TNNT1: variants seen among roughly 807,000 people sequenced by gnomAD.
The protein encoded by TNNT1 is troponin T1, slow skeletal type, also known as troponin T, slow skeletal muscle.
TNNT1 carries 53 observed loss-of-function variants against 50.6 expected under a neutral mutation model. That is an observed-to-expected ratio of 1.05 (90% CI 0.84 to 1.32). The LOEUF (loss-of-function observed/expected upper bound fraction) is 1.32. Ranked by LOEUF, TNNT1 falls within the 40% of genes most tolerant of loss-of-function variation. TNNT1 has a pLI of 0.00. For missense variants in TNNT1, 348 were observed against 381.7 expected (o/e 0.91, Z 0.74); for synonymous variants, 142 against 138.0 (o/e 1.03, Z -0.20).
chr19:55,133,796 G>T, intron 13 of TNNT1, 91 bp downstream of exon 13: 3 of 1,454,814 alleles, frequency 2.1e-6, no homozygotes, highest in East Asian at 2.3e-5. Flanking sequence ...CTCAGGCAGT[G>T]GGGGATGGAG....
intron 6 of TNNT1, among the ~76,000 whole-genome samples, chr19:55,142,478 A>T (rs963311877): frequency 3.7e-4 from 57 of 152,124 alleles, no homozygotes; most frequent in African/African-American, 1.3e-3. Flanking sequence ...ATAACAGATT[A>T]AAAAAACTGT....
intron 12 of TNNT1, 51 bp downstream of exon 12, chr19:55,134,015 C>T (rs1400665337): frequency 1.2e-6 from 2 of 1,612,130 alleles, no homozygotes; most frequent in Non-Finnish European, 1.7e-6. Flanking sequence ...CTGGTCCCTC[C>T]CAGCCCAGCC....
rs760698954 is a variant in TNNT1 at position 55,133,545 on chromosome 19, G to A, written c.791+342C>T. ...ATACAAAAATTAGCCACGCTTGGTG[G>A]CGCGCACCTGTAATCCCAGCTACTC... On this transcript the variant is annotated intron_variant, in intron 13 of 13. Coordinates refer to ENST00000588981, the MANE Select transcript of TNNT1 (RefSeq NM_003283.6). 3.8e-4 allele frequency: 151 copies of A among 400,078 alleles called. 1 individual carries two copies. Among genetic ancestry groups the A allele is most frequent in the Middle Eastern group, 2.2e-3 (3 of 1,340 alleles). 24.8% of individuals were successfully genotyped at this position (400,078 alleles called of 1,614,324 possible).
intron 11 of TNNT1, among the ~76,000 whole-genome samples, chr19:55,135,236 G>A (rs1405503103): frequency 1.3e-5 from 2 of 152,164 alleles, no homozygotes; most frequent in Non-Finnish European, 2.9e-5. Flanking sequence ...TCCATGTGAG[G>A]CTGGAGCTAG....
At chr19:55,138,997 T>C (rs1285505047) in intron 9 of TNNT1, among the ~76,000 whole-genome samples, 1 of 152,092 alleles carries the variant, frequency 6.6e-6, no homozygotes, top group Non-Finnish European at 1.5e-5. Flanking sequence ...CCTGAATTAG[T>C]TTCCTTTCTG....
chr19:55,146,680 C>T lies in TNNT1; in HGVS notation c.73+1G>A. 6.7e-7 allele frequency: 1 copy of T among 1,496,310 alleles called. No homozygotes were observed. The highest frequency in any genetic ancestry group is 8.9e-7 in the Non-Finnish European group (1 of 1,119,116). 92.7% of individuals were successfully genotyped at this position (1,496,310 alleles called of 1,614,324 possible). On this transcript the variant is annotated splice_donor_variant, in intron 4 of 13. Coordinates refer to ENST00000588981, the MANE Select transcript of TNNT1 (RefSeq NM_003283.6). LOFTEE classifies it high-confidence loss of function. The stretch of plus-strand genomic sequence containing the variant: ...CAGACCTGCGGAGTCCGGGACCTCA[C>T]CTTCCTCCTCCTCCTCCGCAGCCTC...
At chr19:55,139,349 A>G (rs1273247873) in intron 9 of TNNT1, among the ~76,000 whole-genome samples, 1 of 152,190 alleles carries the variant, frequency 6.6e-6, no homozygotes, top group Non-Finnish European at 1.5e-5. Context: ...CAGAAAAACA[A>G]TGCAGATTTG....
intron 8 of TNNT1, 38 bp downstream of exon 8, chr19:55,141,144 TGGAG>T (rs1291581593): frequency 9.7e-6 from 15 of 1,554,336 alleles, no homozygotes; most frequent in Non-Finnish European, 1.3e-5. Context: ...GGGATCCACA[TGGAG>T]GGAGGAAGAC....
chr19:55,143,581 A>G (rs1038573278), intron 6 of TNNT1, among the ~76,000 whole-genome samples: 1 of 151,996 alleles, frequency 6.6e-6, no homozygotes, highest in East Asian at 1.9e-4. Context: ...GGAAAAGTCG[A>G]TAAGCTCCAT....
Position 55,133,875 on chromosome 19 carries a change from G to A in TNNT1, c.791+12C>T, listed in dbSNP as rs201143291. ...AGGGACAAGAGCAAGGGCTTGAGACGGTCACACTCACAACTTCTGGGCGTG... is the reference window on the plus strand; with the variant it reads ...AGGGACAAGAGCAAGGGCTTGAGACAGTCACACTCACAACTTCTGGGCGTG... On this transcript the variant is annotated intron_variant, in intron 13 of 13. Coordinates refer to ENST00000588981, the MANE Select transcript of TNNT1 (RefSeq NM_003283.6). 1,712 of 1,613,744 alleles carry A rather than the reference G, an allele frequency of 1.1e-3. 25 individuals are homozygous for A. In the South Asian group the frequency reaches 0.018, roughly 17 times the overall value.
chr19:55,147,636 G>A, intron 1 of TNNT1, among the ~76,000 whole-genome samples: 1 of 144,878 alleles, frequency 6.9e-6, no homozygotes, highest in Non-Finnish European at 1.5e-5. Flanking sequence ...CTGAGACTGA[G>A]ATGGGTTGTC....
chr19:55,133,700 G>T, intron 13 of TNNT1, 187 bp downstream of exon 13: 1 of 650,766 alleles, frequency 1.5e-6, no homozygotes, highest in South Asian at 1.9e-5. Context: ...AAAAAAGAAA[G>T]AAAAAGAAAA....
chr19:55,133,603 G>A (rs1331512228), intron 13 of TNNT1: 10 of 510,036 alleles, frequency 2.0e-5, no homozygotes, highest in African/African-American at 1.2e-4. Flanking sequence ...GCTTGAACCC[G>A]GGAGATGGAA....
intron 11 of TNNT1, among the ~76,000 whole-genome samples, chr19:55,136,377 G>C (rs985832107): frequency 6.6e-6 from 1 of 152,100 alleles, no homozygotes; most frequent in African/African-American, 2.4e-5. Context: ...ATGAGCCACC[G>C]GGCCCAGCCT....
At chr19:55,137,913 C>G (rs1017490910) in intron 10 of TNNT1, 48 bp downstream of exon 10, 1 of 1,611,612 alleles carries the variant, frequency 6.2e-7, no homozygotes, top group Admixed American at 1.7e-5. Flanking sequence ...GGCCCCCAGC[C>G]CCTGCCCCCT....
rs773910830 is a variant in TNNT1, at chr19:55,134,102, G to A, written c.714C>T (p.Phe238=). The A allele has an allele frequency of 2.1e-5, 34 of 1,612,624 alleles. No individual in the cohort carries two copies. Among genetic ancestry groups the A allele is most frequent in the Non-Finnish European group, 2.8e-5 (33 of 1,179,704 alleles). The change falls in exon 12 of 14, where the codon TTC becomes TTT. Residue 238 remains phenylalanine, a synonymous_variant. Coordinates refer to ENST00000588981, the MANE Select transcript of TNNT1 (RefSeq NM_003283.6). Reference sequence around the variant, plus strand: ...GCTGTTTCAGCTTCGCCATCAGGTCGAACTTCTCAGACTCCAGCTGGTGGA... The same window carrying A: ...GCTGTTTCAGCTTCGCCATCAGGTCAAACTTCTCAGACTCCAGCTGGTGGA... ...DWIHQLESEK[F]DLMAKLKQQK...
intron 11 of TNNT1, among the ~76,000 whole-genome samples, chr19:55,136,440 T>C (rs977599141): frequency 1.3e-5 from 2 of 152,222 alleles, no homozygotes; most frequent in East Asian, 3.9e-4. Flanking sequence ...AGGTCAATTT[T>C]GTGATTATAT....
Position 55,132,817 on chromosome 19 carries a change from G to T in TNNT1, c.*98C>A. On this transcript the variant is annotated 3_prime_UTR_variant, in exon 14 of 14. Coordinates refer to ENST00000588981, the MANE Select transcript of TNNT1 (RefSeq NM_003283.6). ...CTGCATCTCAACCATAATAACATCA[G>T]AGAACCCAGCGGGTGTCTGAGGGGA... 1 of 1,178,292 alleles carries T rather than the reference G, an allele frequency of 8.5e-7. No homozygotes were observed. Among genetic ancestry groups the T allele is most frequent in the South Asian group, 1.3e-5 (1 of 76,582 alleles). The allele number at this position is 1,178,292 out of a possible 1,614,324, so 73.0% of individuals were successfully genotyped here. A position where few individuals can be genotyped will look rare whatever the true frequency, so the allele number is the denominator to read the frequency against.
intron 1 of TNNT1, among the ~76,000 whole-genome samples, chr19:55,148,724 CATA>C (rs1408061066): frequency 5.3e-5 from 8 of 151,928 alleles, no homozygotes; most frequent in Admixed American, 2.6e-4. Context: ...TGCTTTCTAT[CATA>C]ATGTCTCAGA....
Sources: gnomAD v4.1 joint callset for allele counts (sites outside exome capture counted in the v4.1 genomes callset) on GRCh38, gnomAD v4.1.1 for gene constraint, MANE v1.5 for transcripts, NCBI Gene and HGNC (gene_info 2026-07-23, HGNC 2026-07-21) for gene names.